Variants in PLPPR1 observed in about 807,000 individuals in gnomAD.
The protein encoded by PLPPR1 is phospholipid phosphatase related 1.
Under a neutral mutation model 33.1 loss-of-function variants are expected in PLPPR1, and 10 were observed. That is an observed-to-expected ratio of 0.30 (90% confidence interval 0.19 to 0.51). The LOEUF (loss-of-function observed/expected upper bound fraction) is 0.51. Ranked by LOEUF, PLPPR1 falls within the 20% of genes least tolerant of loss-of-function variation. The pLI is 0.97. For synonymous variants in PLPPR1, 151 were observed against 151.0 expected (o/e 1.00, Z 0.00); for missense variants, 304 against 408.1 (o/e 0.74, Z 2.20).
intron 1 of PLPPR1, among the ~76,000 whole-genome samples, chr9:101,149,153 T>C (rs1458792218): frequency 6.6e-6 from 1 of 152,172 alleles, no homozygotes. Context: ...TCCCCACATG[T>C]GTGAGATAGT....
At chr9:101,134,502 C>A (rs181215599) in intron 1 of PLPPR1, among the ~76,000 whole-genome samples, 217 of 152,064 alleles carry the variant, frequency 1.4e-3, no homozygotes, top group African/African-American at 4.7e-3. Flanking sequence ...CCTACCTCAG[C>A]CTCCCAAGTA....
intron 1 of PLPPR1, among the ~76,000 whole-genome samples, chr9:101,153,109 C>A (rs1831616798): frequency 6.6e-6 from 1 of 152,144 alleles, no homozygotes; most frequent in South Asian, 2.1e-4. Flanking sequence ...TGAAGAGGTC[C>A]TTCACATCCC....
intron 4 of PLPPR1, among the ~76,000 whole-genome samples, chr9:101,296,165 A>G (rs900276911): frequency 6.6e-6 from 1 of 152,172 alleles, no homozygotes; most frequent in Non-Finnish European, 1.5e-5. Flanking sequence ...TCTCAAAAGA[A>G]GACATTTATG....
At chr9:101,288,574 T>TAA (rs146555252) in intron 4 of PLPPR1, among the ~76,000 whole-genome samples, 2 of 150,800 alleles carry the variant, frequency 1.3e-5, no homozygotes, top group South Asian at 2.1e-4. Context: ...AATAAAAAAA[T>TAA]AAAAAAAAAG....
intron 2 of PLPPR1, among the ~76,000 whole-genome samples, chr9:101,203,363 G>A (rs951098046): frequency 2.0e-5 from 3 of 152,074 alleles, no homozygotes; most frequent in Non-Finnish European, 4.4e-5. Context: ...CCTTAGGGGG[G>A]GAAAAAGACT....
chr9:101,166,622 A>G (rs1468279116), intron 1 of PLPPR1, among the ~76,000 whole-genome samples: 1 of 152,218 alleles, frequency 6.6e-6, no homozygotes, highest in Non-Finnish European at 1.5e-5. Flanking sequence ...AATGGTCAGT[A>G]TGTCTCTATA....
chr9:101,062,149 GGT>G (rs56998660), intron 1 of PLPPR1, among the ~76,000 whole-genome samples: 1,998 of 148,502 alleles, frequency 0.013, 16 homozygotes, highest in Middle Eastern at 0.028. Flanking sequence ...GACAAAATGT[GGT>G]GTGTGTGTGT....
At chr9:101,198,609 A>C (rs1826439659) in intron 2 of PLPPR1, among the ~76,000 whole-genome samples, 1 of 152,190 alleles carries the variant, frequency 6.6e-6, no homozygotes, top group East Asian at 1.9e-4. Flanking sequence ...AGGAGAGCCT[A>C]GGGTCTGCAA....
intron 4 of PLPPR1, among the ~76,000 whole-genome samples, chr9:101,306,764 A>C (rs970991821): frequency 6.6e-6 from 1 of 152,184 alleles, no homozygotes; most frequent in Non-Finnish European, 1.5e-5. Context: ...TTTAGACTCC[A>C]AGCCAAGATA....
intron 1 of PLPPR1, among the ~76,000 whole-genome samples, chr9:101,109,996 C>G (rs1042685393): frequency 5.9e-5 from 9 of 151,928 alleles, no homozygotes; most frequent in African/African-American, 1.9e-4. Context: ...GCAAAGTATC[C>G]CAGACATGTA....
intron 1 of PLPPR1, among the ~76,000 whole-genome samples, chr9:101,150,571 A>G (rs1019253272): frequency 2.6e-5 from 4 of 152,176 alleles, no homozygotes; most frequent in African/African-American, 7.2e-5. Flanking sequence ...TTTTAATCTT[A>G]GGCATCTGAT....
intron 2 of PLPPR1, among the ~76,000 whole-genome samples, chr9:101,241,551 C>T (rs1461132431): frequency 1.3e-5 from 2 of 152,092 alleles, no homozygotes; most frequent in African/African-American, 2.4e-5. Context: ...TTGAGATAGA[C>T]CTTCACACCC....
chr9:101,192,668 C>T (rs1004563638), intron 2 of PLPPR1, among the ~76,000 whole-genome samples: 7 of 151,842 alleles, frequency 4.6e-5, no homozygotes, highest in African/African-American at 1.7e-4. Flanking sequence ...ACCAATGAAA[C>T]ACACACACAC....
At chr9:101,309,743 G>C (rs1437284097) in intron 5 of PLPPR1, among the ~76,000 whole-genome samples, 3 of 152,114 alleles carry the variant, frequency 2.0e-5, no homozygotes, top group African/African-American at 7.2e-5. Flanking sequence ...CCACAGTATA[G>C]CTAAGATCAT....
At chr9:101,229,537 ATATTT>A (rs1448865237) in intron 2 of PLPPR1, among the ~76,000 whole-genome samples, 10 of 152,106 alleles carry the variant, frequency 6.6e-5, no homozygotes, top group African/African-American at 2.4e-4. Flanking sequence ...TTTTCTAGGC[ATATTT>A]TATTTCATGA....
chr9:101,194,958 G>A (rs891931402), intron 2 of PLPPR1, among the ~76,000 whole-genome samples: 2 of 152,094 alleles, frequency 1.3e-5, no homozygotes, highest in African/African-American at 4.8e-5. Flanking sequence ...ATTAGTATGC[G>A]ATAGTTTTGC....
chr9:101,309,304 G>A lies in PLPPR1; in HGVS notation c.479G>A (p.Cys160Tyr). Residue 160 changes from cysteine (C) to tyrosine (Y), a missense_variant, in exon 5 of 8, where the codon TGC (cysteine) becomes TAC (tyrosine). Coordinates refer to ENST00000374874, the MANE Select transcript of PLPPR1 (RefSeq NM_207299.2). ...TTAACGCCATACTTCCTGACTGTGT[G>A]CAAGCCAAACTACACCAGTGCAGAC... ...GHLTPYFLTV[C>Y]KPNYTSADCQ... 3 of 1,614,160 alleles carry A rather than the reference G, an allele frequency of 1.9e-6. No individual in the cohort carries two copies. The highest frequency in any genetic ancestry group is 2.5e-6 in the Non-Finnish European group (3 of 1,180,040).
chr9:101,259,813 G>A (rs552505799), intron 2 of PLPPR1, among the ~76,000 whole-genome samples: 1 of 152,268 alleles, frequency 6.6e-6, no homozygotes, highest in East Asian at 1.9e-4. Flanking sequence ...GTAGATAAGA[G>A]ACAAATGGTT....
intron 1 of PLPPR1, among the ~76,000 whole-genome samples, chr9:101,115,898 C>G (rs989648222): frequency 4.6e-5 from 7 of 152,194 alleles, no homozygotes; most frequent in African/African-American, 1.7e-4. Flanking sequence ...GTAATTTACT[C>G]CATTAAAGAT....
Sources: gnomAD v4.1 joint callset for allele counts (sites outside exome capture counted in the v4.1 genomes callset) on GRCh38, gnomAD v4.1.1 for gene constraint, MANE v1.5 for transcripts, NCBI Gene and HGNC (gene_info 2026-07-23, HGNC 2026-07-21) for gene names.